RASGEF1C: variants seen among roughly 807,000 people sequenced by gnomAD.
RASGEF1C encodes ras-GEF domain-containing family member 1C.
A neutral mutation model predicts 58.1 loss-of-function variants in RASGEF1C; 27 were observed. That is an observed-to-expected ratio of 0.46 (90% confidence interval 0.34 to 0.64). The LOEUF is 0.64. Among genes scored for constraint, RASGEF1C ranks in the 30% least tolerant of loss-of-function variants. The pLI is 0.01. For synonymous variants in RASGEF1C, 243 were observed against 246.3 expected, an observed-to-expected ratio of 0.99 and a Z score of 0.13; for missense variants, 502 against 605.1, an observed-to-expected ratio of 0.83 and a Z score of 1.79.
chr5:180,195,628 G>A (rs1006444745), intron 1 of RASGEF1C, among the ~76,000 whole-genome samples: 8 of 152,084 alleles, frequency 5.3e-5, no homozygotes, highest in East Asian at 1.9e-4. Flanking sequence ...TGGGCGCGGT[G>A]GCGGGCGCCT....
At position 180,120,336 on chromosome 5, in the gene RASGEF1C, G is replaced by A. The variant is rs562516530; in HGVS notation, c.804+724C>T. On this transcript the variant is annotated intron_variant, in intron 7 of 13. Coordinates refer to ENST00000361132, the MANE Select transcript of RASGEF1C (RefSeq NM_175062.4). ...ACAGAGGCCAACTCCTGTGTCCATC[G>A]CCACGTCGCATGGGGCCGCCTCCTC... Among the ~76,000 whole-genome samples the A allele has an allele frequency of 8.9e-4, 135 of 152,314 alleles. 1 individual carries two copies. The highest frequency in any genetic ancestry group is 2.5e-4 in the Non-Finnish European group (17 of 68,008).
At chr5:180,182,468 G>C (rs1392116817) in intron 1 of RASGEF1C, among the ~76,000 whole-genome samples, 1 of 152,174 alleles carries the variant, frequency 6.6e-6, no homozygotes, top group African/African-American at 2.4e-5. Context: ...AACCCCAGCA[G>C]GTTGCCGCTG....
At chr5:180,102,012 C>A (rs1200439304) in intron 13 of RASGEF1C, 59 bp downstream of exon 13, 4 of 862,842 alleles carry the variant, frequency 4.6e-6, no homozygotes, top group Non-Finnish European at 7.5e-6. Flanking sequence ...CGCGAAGACT[C>A]ACCTTAGAGC....
intron 1 of RASGEF1C, among the ~76,000 whole-genome samples, chr5:180,195,760 G>A (rs1410363134): frequency 2.0e-5 from 3 of 150,072 alleles, no homozygotes; most frequent in South Asian, 2.1e-4. Context: ...GCGAGACTCC[G>A]TCTCAAAAAA....
In RASGEF1C at chr5:180,209,206, C is replaced by G. The variant is rs1012321112; in HGVS notation, c.-185G>C. 1 of 147,342 alleles carries G rather than the reference C, an allele frequency of 6.8e-6. No individual in the cohort carries two copies. The highest frequency in any genetic ancestry group is 2.4e-5 in the African/African-American group (1 of 40,910). The allele number at this position is 147,342 out of a possible 1,614,324, so 9.1% of individuals were successfully genotyped here. On this transcript the variant is annotated 5_prime_UTR_variant, in exon 1 of 14. Transcript: ENST00000361132. ...CGAGCGCCTGGCGGCGGCCCCGGAG[C>G]AACGCGGCGCTGCGCCCCCTCGTGG... is the stretch of plus-strand genomic sequence containing the variant.
At chr5:180,200,367 T>C (rs1024588898) in intron 1 of RASGEF1C, among the ~76,000 whole-genome samples, 2 of 126,474 alleles carry the variant, frequency 1.6e-5, no homozygotes, top group Non-Finnish European at 3.3e-5. Flanking sequence ...TGGAGTGCAG[T>C]GGCGCGATCT....
chr5:180,197,869 G>T lies in RASGEF1C; in HGVS notation c.-7+11159C>A, dbSNP rs547320917. The stretch of plus-strand genomic sequence containing the variant: ...AATGACCCAGGTAGATATTTCCTCT[G>T]CAGGGGCACTAATTAGCTGATTCCA... On this transcript the variant is annotated intron_variant, in intron 1 of 13. Transcript: ENST00000361132. This position sits in a 1 kb window ranked among gnomAD's most constrained non-coding sequence, Gnocchi z 4.7. Among the ~76,000 whole-genome samples the T allele has an allele frequency of 5.3e-5, 8 of 152,350 alleles. No individual in the cohort carries two copies. The highest frequency in any genetic ancestry group is 5.2e-4 in the Admixed American group (8 of 15,308).
chr5:180,180,998 T>C (rs775003979), intron 1 of RASGEF1C, among the ~76,000 whole-genome samples: 5 of 152,248 alleles, frequency 3.3e-5, no homozygotes, highest in Admixed American at 1.3e-4. Context: ...CGCAGGGCAC[T>C]ATCAATCACT....
intron 1 of RASGEF1C, among the ~76,000 whole-genome samples, chr5:180,178,743 C>T (rs1280796086): frequency 5.3e-5 from 8 of 152,210 alleles, no homozygotes; most frequent in Non-Finnish European, 1.2e-4. Flanking sequence ...CAGCAGACCA[C>T]GGCGCAGATG....
intron 1 of RASGEF1C, among the ~76,000 whole-genome samples, chr5:180,193,026 G>A (rs549514017): frequency 4.7e-5 from 7 of 147,862 alleles, no homozygotes; most frequent in South Asian, 4.5e-4. Flanking sequence ...GATTACAGGC[G>A]TGAGCCATCG....
Position 180,143,979 on chromosome 5 carries a change from G to A in RASGEF1C, c.-6-5921C>T, listed in dbSNP as rs1766625515. On this transcript the variant is annotated intron_variant, in intron 1 of 13. Coordinates refer to ENST00000361132, the MANE Select transcript of RASGEF1C (RefSeq NM_175062.4). This position sits in a 1 kb window ranked among gnomAD's most constrained non-coding sequence, Gnocchi z 4.3. ...TCCCGAAGGCCCCTGTGAGGACCACGCGCGTGTCTCAGGAAGACACCTGTG... is the reference window on the plus strand; with the variant it reads ...TCCCGAAGGCCCCTGTGAGGACCACACGCGTGTCTCAGGAAGACACCTGTG... Among the ~76,000 whole-genome samples the A allele has an allele frequency of 6.6e-6, 1 of 152,274 alleles. No homozygotes were observed. Among genetic ancestry groups the A allele is most frequent in the African/African-American group, 2.4e-5 (1 of 41,548 alleles).
At position 180,117,250 on chromosome 5, in the gene RASGEF1C, C is replaced by G. The variant is rs184020390; in HGVS notation, c.1083+1359G>C. ...AACAGGAAAGGCCAGCTGGACAGGACAGAGCCATCCGTGTGGCCGGTGTCT... is the reference window on the plus strand; with the variant it reads ...AACAGGAAAGGCCAGCTGGACAGGAGAGAGCCATCCGTGTGGCCGGTGTCT... On this transcript the variant is annotated intron_variant, in intron 10 of 13. Transcript: ENST00000361132. Among the ~76,000 whole-genome samples the G allele has an allele frequency of 2.6e-4, 40 of 152,360 alleles. No homozygotes were observed. The South Asian group carries it at 6.6e-3, about 25-fold the overall frequency.
chr5:180,192,213 G>T (rs1215756647), intron 1 of RASGEF1C, among the ~76,000 whole-genome samples: 1 of 152,148 alleles, frequency 6.6e-6, no homozygotes, highest in Non-Finnish European at 1.5e-5. Context: ...ATATAAGATG[G>T]CTAACAACCT....
chr5:180,116,428 T>C (rs536551687), intron 10 of RASGEF1C, among the ~76,000 whole-genome samples: 16 of 151,888 alleles, frequency 1.1e-4, no homozygotes, highest in African/African-American at 3.6e-4. Context: ...ACTCTAAGTA[T>C]CCCTTTCTCC....
At chr5:180,125,893 T>C (rs1766248794) in intron 6 of RASGEF1C, among the ~76,000 whole-genome samples, 1 of 152,082 alleles carries the variant, frequency 6.6e-6, no homozygotes, top group Admixed American at 6.6e-5. Flanking sequence ...TATAAAGGGA[T>C]CCTGAGCCTT....
At chr5:180,181,817 G>A (rs554887530) in intron 1 of RASGEF1C, among the ~76,000 whole-genome samples, 26 of 152,276 alleles carry the variant, frequency 1.7e-4, no homozygotes, top group Non-Finnish European at 3.1e-4. Flanking sequence ...GAGCATGAAC[G>A]CCACTGGCAG....
intron 4 of RASGEF1C, among the ~76,000 whole-genome samples, chr5:180,131,338 C>T (rs927274542): frequency 3.9e-5 from 6 of 152,142 alleles, no homozygotes; most frequent in African/African-American, 7.2e-5. Context: ...GTCACTCCTC[C>T]GCCCCTTTGA....
chr5:180,150,167 C>T (rs1303628038), intron 1 of RASGEF1C, among the ~76,000 whole-genome samples: 3 of 152,276 alleles, frequency 2.0e-5, no homozygotes, highest in East Asian at 3.9e-4. Context: ...CTTTTGAATA[C>T]CTCTAGTGAA....
intron 6 of RASGEF1C, among the ~76,000 whole-genome samples, chr5:180,126,245 A>G (rs1766258035): frequency 6.6e-6 from 1 of 152,076 alleles, no homozygotes; most frequent in African/African-American, 2.4e-5. Context: ...GTCTCTACTA[A>G]AAATACAAAA....
Sources: allele counts gnomAD v4.1 joint callset (sites outside exome capture counted in the v4.1 genomes callset), GRCh38; gene constraint gnomAD v4.1.1; non-coding constraint Gnocchi (gnomAD v3.1); transcripts MANE v1.5; gene names NCBI Gene and HGNC (gene_info 2026-07-23, HGNC 2026-07-21).